GALNTL6: variants seen among roughly 807,000 people sequenced by gnomAD.
GALNTL6 encodes polypeptide N-acetylgalactosaminyltransferase like 6.
A neutral mutation model predicts 73.7 loss-of-function variants in GALNTL6; 46 were observed. That is an observed-to-expected ratio of 0.62 (90% CI 0.49 to 0.80). The LOEUF is 0.80. Among genes scored for constraint, GALNTL6 ranks in the 30% least tolerant of loss-of-function variants. The pLI is 0.00. For missense variants in GALNTL6, 604 were observed against 755.0 expected (o/e 0.80, Z 2.34); for synonymous variants, 259 against 263.7 (o/e 0.98, Z 0.17).
At chr4:172,396,507 G>T (rs991741596) in intron 5 of GALNTL6, among the ~76,000 whole-genome samples, 1 of 152,054 alleles carries the variant, frequency 6.6e-6, no homozygotes, top group African/African-American at 2.4e-5. Context: ...TGCAAGCCAA[G>T]TGAGGGGTTT....
At chr4:172,696,165 A>C (rs1560886586) in intron 5 of GALNTL6, among the ~76,000 whole-genome samples, 3 of 152,172 alleles carry the variant, frequency 2.0e-5, no homozygotes, top group African/African-American at 7.2e-5. Context: ...CCAGTGGCCT[A>C]ATGTGTCTCC....
chr4:172,294,446 C>T (rs934058641), intron 3 of GALNTL6, among the ~76,000 whole-genome samples: 3 of 152,106 alleles, frequency 2.0e-5, no homozygotes, highest in East Asian at 3.9e-4. Context: ...AAGTGAGACA[C>T]ATTTGGCAGT....
At chr4:172,816,596 C>G (rs73871844) in intron 7 of GALNTL6, among the ~76,000 whole-genome samples, 4,265 of 152,230 alleles carry the variant, frequency 0.028, 192 homozygotes, top group African/African-American at 0.09. Context: ...AAGTGGTCAT[C>G]ATGTACCAAC....
At chr4:172,947,563 CTT>C (rs1749224448) in intron 9 of GALNTL6, among the ~76,000 whole-genome samples, 1 of 140,388 alleles carries the variant, frequency 7.1e-6, no homozygotes, top group Non-Finnish European at 1.5e-5. Flanking sequence ...ATGCTTGACT[CTT>C]TCTTTCCCCT....
chr4:172,595,798 C>G (rs993814374), intron 5 of GALNTL6, among the ~76,000 whole-genome samples: 1 of 152,022 alleles, frequency 6.6e-6, no homozygotes, highest in African/African-American at 2.4e-5. Flanking sequence ...ATCCCTGGAC[C>G]AGTTAACACT....
intron 4 of GALNTL6, among the ~76,000 whole-genome samples, chr4:172,312,767 A>T (rs953999508): frequency 3.9e-5 from 6 of 152,214 alleles, no homozygotes; most frequent in African/African-American, 1.2e-4. Flanking sequence ...ACTATTTTCT[A>T]GTTGCCATTT....
chr4:172,314,228 G>A (rs1045934925), intron 4 of GALNTL6, among the ~76,000 whole-genome samples: 3 of 152,094 alleles, frequency 2.0e-5, no homozygotes, highest in Admixed American at 1.3e-4. Flanking sequence ...TGCAAACTTT[G>A]TGTGACTTTT....
At chr4:172,882,947 T>TTTGACAA (rs1745536512) in intron 8 of GALNTL6, 40 bp downstream of exon 8, 1 of 1,079,800 alleles carries the variant, frequency 9.3e-7, no homozygotes, top group Admixed American at 2.0e-5. Flanking sequence ...TCTGTATAAT[T>TTTGACAA]TTGACAATTC....
intron 5 of GALNTL6, among the ~76,000 whole-genome samples, chr4:172,791,951 A>G (rs1389548336): frequency 6.6e-6 from 1 of 152,162 alleles, no homozygotes; most frequent in African/African-American, 2.4e-5. Flanking sequence ...TTTGTTAGAA[A>G]CCATAACAAG....
intron 3 of GALNTL6, among the ~76,000 whole-genome samples, chr4:172,264,456 A>G (rs145724575): frequency 0.013 from 1,588 of 125,714 alleles, 15 homozygotes; most frequent in Non-Finnish European, 0.019. Context: ...TAAGGTTGGC[A>G]TAATATATTC....
chr4:172,750,665 A>AT (rs1366440282), intron 5 of GALNTL6, among the ~76,000 whole-genome samples: 1 of 152,036 alleles, frequency 6.6e-6, no homozygotes, highest in African/African-American at 2.4e-5. Flanking sequence ...ACTCTCAAAT[A>AT]TTTTCTTTTT....
intron 2 of GALNTL6, among the ~76,000 whole-genome samples, chr4:171,927,138 T>C (rs1328809536): frequency 1.3e-5 from 2 of 152,118 alleles, no homozygotes; most frequent in African/African-American, 4.8e-5. Flanking sequence ...TCCACTGAAA[T>C]AGGAAAAGTG....
chr4:172,865,810 G>A (rs192292866), intron 7 of GALNTL6, among the ~76,000 whole-genome samples: 1 of 152,016 alleles, frequency 6.6e-6, no homozygotes, highest in East Asian at 1.9e-4. Context: ...CTCACTCCAT[G>A]TTTATCCTGG....
chr4:172,733,404 G>C (rs1430291119), intron 5 of GALNTL6, among the ~76,000 whole-genome samples: 2 of 151,952 alleles, frequency 1.3e-5, no homozygotes, highest in Non-Finnish European at 2.9e-5. Flanking sequence ...TGGGGTATTT[G>C]ATATGGTTTG....
rs180736141 is a variant in GALNTL6, at chr4:172,327,059, G to A, written c.386+15307G>A. Among the ~76,000 whole-genome samples the A allele has an allele frequency of 8.6e-4, 130 of 151,916 alleles. 2 individuals are homozygous for A. The South Asian group carries it at 0.016, about 18-fold the overall frequency. On this transcript the variant is annotated intron_variant, in intron 4 of 12. Coordinates refer to ENST00000506823, the MANE Select transcript of GALNTL6 (RefSeq NM_001034845.3). ...CTATCATTTTTGCTATAAGCTAATC[G>A]ATTAGATTAATATTTTTAAGTGAAT... is the stretch of plus-strand genomic sequence containing the variant.
rs753673999 is a variant in GALNTL6, at chr4:172,802,318, A to G, written c.554-7043A>G. On this transcript the variant is annotated intron_variant, in intron 5 of 12. Coordinates refer to ENST00000506823, the MANE Select transcript of GALNTL6 (RefSeq NM_001034845.3). ...GCTGGAATGTAACAAAAGCCCACCA[A>G]GAGTTTTGCCTAGGCCTTTCTTGGG... Among the ~76,000 whole-genome samples, 3 of 152,314 alleles carry G rather than the reference A, an allele frequency of 2.0e-5. No individual in the cohort carries two copies. The East Asian group carries it at 5.8e-4, about 29-fold the overall frequency.
In GALNTL6 at chr4:171,988,757, G is replaced by A. The variant is rs184006524; in HGVS notation, c.138+174039G>A. Among the ~76,000 whole-genome samples, 385 of 152,262 alleles carry A rather than the reference G, an allele frequency of 2.5e-3. 2 individuals carry two copies. The highest frequency in any genetic ancestry group is 3.4e-3 in the Non-Finnish European group (229 of 68,026). On this transcript the variant is annotated intron_variant, in intron 2 of 12. Coordinates refer to ENST00000506823, the MANE Select transcript of GALNTL6 (RefSeq NM_001034845.3). ...TAACAGGCTTTAATCTTTTCAAAGC[G>A]TGCAGTGGGATGGGATATTGGCATT...
At chr4:171,885,718 T>C (rs929375675) in intron 2 of GALNTL6, among the ~76,000 whole-genome samples, 1 of 152,056 alleles carries the variant, frequency 6.6e-6, no homozygotes, top group African/African-American at 2.4e-5. Flanking sequence ...GGTGGGAGGA[T>C]TGCTTGAGCC....
intron 5 of GALNTL6, among the ~76,000 whole-genome samples, chr4:172,576,216 A>G (rs1736950055): frequency 6.6e-6 from 1 of 152,178 alleles, no homozygotes; most frequent in Non-Finnish European, 1.5e-5. Context: ...CACGCTCATT[A>G]CAGAATGAAG....
Sources: allele counts gnomAD v4.1 joint callset (sites outside exome capture counted in the v4.1 genomes callset), GRCh38; gene constraint gnomAD v4.1.1; transcripts MANE v1.5; gene names NCBI Gene and HGNC (gene_info 2026-07-23, HGNC 2026-07-21).